COLQ: variants seen among roughly 807,000 people sequenced by gnomAD.
COLQ encodes collagen like tail subunit of asymmetric acetylcholinesterase.
COLQ carries 48 observed loss-of-function variants against 69.0 expected under a neutral mutation model. The ratio of observed to expected loss-of-function variants is 0.70; its 90% CI spans 0.55 to 0.88. The LOEUF (loss-of-function observed/expected upper bound fraction) is 0.88. Ranked by LOEUF, COLQ falls within the 40% of genes least tolerant of loss-of-function variation. The probability of loss-of-function intolerance (pLI) is 0.00; values close to 1 mark genes in which losing one functional copy is unlikely to be tolerated. For synonymous variants in COLQ, 217 were observed against 211.2 expected (o/e 1.03, Z -0.24); for missense variants, 618 against 594.6 (o/e 1.04, Z -0.41).
intron 3 of COLQ, among the ~76,000 whole-genome samples, chr3:15,481,437 G>C (rs761222252): frequency 2.2e-4 from 33 of 152,210 alleles, no homozygotes; most frequent in Non-Finnish European, 4.1e-4. Context: ...CATATGGCTA[G>C]CCAGTTTTCC....
At chr3:15,479,655 CTT>C (rs2062442853) in intron 3 of COLQ, among the ~76,000 whole-genome samples, 1 of 152,192 alleles carries the variant, frequency 6.6e-6, no homozygotes, top group South Asian at 2.1e-4. Flanking sequence ...CCCTGTAACT[CTT>C]TGTTTGCATA....
intron 1 of COLQ, among the ~76,000 whole-genome samples, chr3:15,515,354 G>A (rs1483422460): frequency 6.6e-6 from 1 of 152,138 alleles, no homozygotes; most frequent in African/African-American, 2.4e-5. Flanking sequence ...TCATAACCAA[G>A]GGAGGCACAA....
Position 15,479,351 on chromosome 3 carries a change from G to A in COLQ, c.353C>T (p.Pro118Leu). Residue 118 changes from proline (P) to leucine (L), a missense_variant, in exon 4 of 17, where the codon CCA becomes CTA. Transcript: ENST00000383788. ...GPPGLPGKTG[P>L]KGEKGELGRP... ...AGTGGTCCATACCTTTTCTCCCTTTGGTCCTGTCTTGCCAGGAAGCCCCGG... is the reference window on the plus strand; with the variant it reads ...AGTGGTCCATACCTTTTCTCCCTTTAGTCCTGTCTTGCCAGGAAGCCCCGG... 1 of 1,614,024 alleles carries A rather than the reference G, an allele frequency of 6.2e-7. No individual in the cohort carries two copies. The highest frequency in any genetic ancestry group is 8.5e-7 in the Non-Finnish European group (1 of 1,179,932).
At chr3:15,467,905 G>C (rs564876032) in intron 11 of COLQ, 1 of 456,746 alleles carries the variant, frequency 2.2e-6, no homozygotes, top group East Asian at 6.9e-5. Flanking sequence ...AGGAGTTCTT[G>C]AACTCTGAAT....
At chr3:15,485,823 T>C (rs2062563506) in intron 3 of COLQ, among the ~76,000 whole-genome samples, 3 of 152,184 alleles carry the variant, frequency 2.0e-5, no homozygotes, top group Admixed American at 1.3e-4. Flanking sequence ...CCAGGCATGA[T>C]GGTATGTGCA....
In COLQ at chr3:15,494,025, G is replaced by A. The variant is rs577050110; in HGVS notation, c.107-4388C>T. Among the ~76,000 whole-genome samples the A allele has an allele frequency of 1.7e-4, 26 of 152,372 alleles. No homozygotes were observed. The South Asian group carries it at 3.5e-3, about 21-fold the overall frequency. ...TTGAACTTGGGAGGCAGAGGTTTCA[G>A]TGAGCCGAGATTGTGCCATTGCACT... On this transcript the variant is annotated intron_variant, in intron 1 of 16. Transcript: ENST00000383788.
intron 16 of COLQ, among the ~76,000 whole-genome samples, chr3:15,452,371 T>C (rs2061957796): frequency 6.6e-6 from 1 of 152,172 alleles, no homozygotes; most frequent in Non-Finnish European, 1.5e-5. Context: ...CTGGCCTGAG[T>C]AACTGCATTT....
chr3:15,509,006 C>T (rs111425871), intron 1 of COLQ, among the ~76,000 whole-genome samples: 11 of 152,056 alleles, frequency 7.2e-5, no homozygotes, highest in African/African-American at 2.7e-4. Flanking sequence ...AAAAAAATTA[C>T]ATACATAATA....
rs970111842 is a variant in COLQ, at chr3:15,455,988, G to A, written c.1106C>T (p.Ala369Val). ...LTPFYPVDYT[A>V]DQHGTCGDGL... ...ATCCCCACAGGTGCCGTGCTGGTCT[G>A]CAGTGTAATCCACAGGGTAGAAAGG... The change falls in exon 15 of 17, where the codon GCA (alanine) becomes GTA (valine). Residue 369 changes from alanine to valine, a missense_variant. By Grantham distance (64) the Ala-to-Val change is moderately conservative. Coordinates refer to ENST00000383788, the MANE Select transcript of COLQ (RefSeq NM_005677.4). 8 of 1,613,964 alleles carry A rather than the reference G, an allele frequency of 5.0e-6. No individual in the cohort carries two copies. The highest frequency in any genetic ancestry group is 6.8e-6 in the Non-Finnish European group (8 of 1,179,930).
At chr3:15,482,366 T>G (rs2062501853) in intron 3 of COLQ, among the ~76,000 whole-genome samples, 1 of 152,230 alleles carries the variant, frequency 6.6e-6, no homozygotes. Flanking sequence ...TAGCTCTTAT[T>G]ATTTTGAGAT....
chr3:15,479,533 C>A, intron 3 of COLQ, 151 bp from the exon 4 acceptor site: 1 of 756,278 alleles, frequency 1.3e-6, no homozygotes, highest in Non-Finnish European at 2.3e-6. Flanking sequence ...TTTCCTTTGC[C>A]CTCCAGCCCA....
At chr3:15,488,132 T>TA (rs1434232605) in intron 3 of COLQ, 74 bp downstream of exon 3, 7 of 1,078,916 alleles carry the variant, frequency 6.5e-6, no homozygotes, top group African/African-American at 1.6e-5. Context: ...GAGCAGACAC[T>TA]AAGAGGCTCT....
intron 1 of COLQ, among the ~76,000 whole-genome samples, chr3:15,503,703 C>T (rs76797881): frequency 0.052 from 7,873 of 152,060 alleles, 284 homozygotes; most frequent in Non-Finnish European, 0.082. Flanking sequence ...TCAGGTAAGG[C>T]TCAGGGAGAT....
At chr3:15,489,418 A>C in intron 2 of COLQ, 107 bp downstream of exon 2, 1 of 1,041,900 alleles carries the variant, frequency 9.6e-7, no homozygotes, top group South Asian at 1.3e-5. Context: ...GCTCTCAGAA[A>C]AGATTCCGGA....
rs550979119 is a variant in COLQ, at chr3:15,458,202, G to C, written c.938C>G (p.Ser313Cys). Residue 313 changes from serine (S) to cysteine (C), a missense_variant, in exon 13 of 17, where the codon TCC becomes TGC. Coordinates refer to ENST00000383788, the MANE Select transcript of COLQ (RefSeq NM_005677.4). ...SYGESVYGPS[S>C]PRVPVIFVVN... ...AAGCCTTACCACAGGAACTCGCGGG[G>C]AACTGGGCCCATACACAGATTCCCC... is the stretch of plus-strand genomic sequence containing the variant. 2 of 1,613,892 alleles carry C rather than the reference G, an allele frequency of 1.2e-6. No individual in the cohort carries two copies. Among genetic ancestry groups the C allele is most frequent in the African/African-American group, 2.7e-5 (2 of 75,028 alleles).
intron 1 of COLQ, among the ~76,000 whole-genome samples, chr3:15,510,120 G>C (rs1294516981): frequency 6.6e-6 from 1 of 152,026 alleles, no homozygotes; most frequent in Non-Finnish European, 1.5e-5. Context: ...AGCTTGCAGT[G>C]AGCCGAGATC....
chr3:15,456,057 C>T (rs1482364351), intron 14 of COLQ, 38 bp from the exon 15 acceptor site: 4 of 1,612,660 alleles, frequency 2.5e-6, no homozygotes, highest in Non-Finnish European at 2.5e-6. Context: ...TGGAGCATGG[C>T]ATACCCAGGC....
intron 1 of COLQ, among the ~76,000 whole-genome samples, chr3:15,508,792 T>C (rs1306265276): frequency 6.6e-6 from 1 of 151,838 alleles, no homozygotes; most frequent in Non-Finnish European, 1.5e-5. Flanking sequence ...TTCAGTCTCA[T>C]TCATTATATA....
Position 15,474,147 on chromosome 3 carries a change from A to G in COLQ, c.600+81T>C, listed in dbSNP as rs546274906. 89 of 1,591,462 alleles carry G rather than the reference A, an allele frequency of 5.6e-5. 1 individual carries two copies. In the East Asian group the frequency reaches 1.9e-3, roughly 35 times the overall value. On this transcript the variant is annotated intron_variant, in intron 9 of 16. Coordinates refer to ENST00000383788, the MANE Select transcript of COLQ (RefSeq NM_005677.4). ...ATGGAGGCCTGTCCATCAGTCCATCATCAGTCCACGGATGGGGGTGGGTGG... is the reference window on the plus strand; with the variant it reads ...ATGGAGGCCTGTCCATCAGTCCATCGTCAGTCCACGGATGGGGGTGGGTGG...
Sources: gnomAD v4.1 joint callset for allele counts (sites outside exome capture counted in the v4.1 genomes callset) on GRCh38, gnomAD v4.1.1 for gene constraint, MANE v1.5 for transcripts, NCBI Gene and HGNC (gene_info 2026-07-23, HGNC 2026-07-21) for gene names.